Variants in URB1 observed in about 807,000 individuals in gnomAD.
URB1 encodes the protein URB1 ribosome biogenesis factor, also known as nucleolar pre-ribosomal-associated protein 1.
In URB1, 197 loss-of-function variants were observed where a neutral mutation model predicts 242.3. The observed-to-expected ratio is 0.81, with a 90% CI of 0.72 to 0.91. The LOEUF (loss-of-function observed/expected upper bound fraction) is 0.91, where lower values mean the gene tolerates loss of function less well. URB1 is among the 40% of genes least tolerant of loss of function. The pLI, the probability that URB1 is intolerant of heterozygous loss-of-function variation, is 0.00. For missense variants in URB1, 2,721 were observed against 2,860.5 expected (o/e 0.95, Z 1.11); for synonymous variants, 1,153 against 1,201.8 (o/e 0.96, Z 0.84).
Position 32,311,316 on chromosome 21 carries a change from T to C in URB1, c.*3602A>G. 1 of 237,142 alleles carries C rather than the reference T, an allele frequency of 4.2e-6. No individual in the cohort carries two copies. 14.7% of individuals were successfully genotyped at this position (237,142 alleles called of 1,614,324 possible). ...TTTGTGTCGTGACGCAGCCAAACCA[T>C]ATCACCAAGATACAAGTTGGCTTGG... On this transcript the variant is annotated 3_prime_UTR_variant, in exon 39 of 39. Coordinates refer to ENST00000382751, the MANE Select transcript of URB1 (RefSeq NM_014825.3).
chr21:32,321,445 G>A (rs1219145684), intron 34 of URB1, among the ~76,000 whole-genome samples: 3 of 152,080 alleles, frequency 2.0e-5, no homozygotes, highest in Admixed American at 1.3e-4. Context: ...CACTGACAGG[G>A]GGTTTCTAGA....
At chr21:32,316,022 C>T (rs967662204) in intron 38 of URB1, among the ~76,000 whole-genome samples, 1 of 152,258 alleles carries the variant, frequency 6.6e-6, no homozygotes, top group Non-Finnish European at 1.5e-5. Context: ...TGTTCATGTG[C>T]GCATTTATAC....
intron 11 of URB1, 97 bp from the exon 12 acceptor site, chr21:32,362,118 G>A: frequency 1.4e-6 from 2 of 1,456,886 alleles, no homozygotes; most frequent in Non-Finnish European, 1.8e-6. Flanking sequence ...ACAGGGAGGG[G>A]GGTGCGAGTC....
Position 32,313,705 on chromosome 21 carries a change from T to C in URB1, c.*1213A>G, listed in dbSNP as rs1183923037. The C allele has an allele frequency of 6.6e-6, 1 of 152,200 alleles. No individual in the cohort carries two copies. The highest frequency in any genetic ancestry group is 1.5e-5 in the Non-Finnish European group (1 of 68,050). 9.4% of individuals were successfully genotyped at this position (152,200 alleles called of 1,614,324 possible). A position where few individuals can be genotyped will look rare whatever the true frequency, so the allele number is the denominator to read the frequency against. On this transcript the variant is annotated 3_prime_UTR_variant, in exon 39 of 39. Coordinates refer to ENST00000382751, the MANE Select transcript of URB1 (RefSeq NM_014825.3). ...GGCATTGTCAGCACGATGTACATTATACGGCAGATAAAACAGCCACATCCT... is the reference window on the plus strand; with the variant it reads ...GGCATTGTCAGCACGATGTACATTACACGGCAGATAAAACAGCCACATCCT...
rs1335093645 is a variant in URB1, at chr21:32,347,318, A to C, written c.3506T>G (p.Leu1169Arg). The C allele has an allele frequency of 1.3e-6, 2 of 1,551,314 alleles. No homozygotes were observed. Among genetic ancestry groups the C allele is most frequent in the South Asian group, 1.2e-5 (1 of 84,066 alleles). Residue 1169 changes from leucine to arginine, a missense_variant, in exon 22 of 39, where the codon CTG becomes CGG. Transcript: ENST00000382751. ...QLLTCSPQDQ[L>R]QSGELLWSSE... is the part of the protein sequence containing the mutation. ...GGACCACAGGAGCTCACCACTCTGC[A>C]GCTGATCCTGGGGGCTGCAGGTCAG...
chr21:32,366,446 A>T (rs751464605), intron 10 of URB1, among the ~76,000 whole-genome samples, 172 bp downstream of exon 10: 1 of 152,170 alleles, frequency 6.6e-6, no homozygotes, highest in Non-Finnish European at 1.5e-5. Flanking sequence ...AGGTGCGTGG[A>T]CCTGTCACTT....
intron 20 of URB1, among the ~76,000 whole-genome samples, chr21:32,350,049 G>T (rs1383696291): frequency 1.3e-5 from 2 of 151,524 alleles, no homozygotes; most frequent in Non-Finnish European, 2.9e-5. Context: ...CTTGAACCCG[G>T]GAGGCAGAGG....
Position 32,373,638 on chromosome 21 carries a change from T to C in URB1, c.876+9A>G, listed in dbSNP as rs1207526709. 1.1e-5 allele frequency: 17 copies of C among 1,532,932 alleles called. No individual in the cohort carries two copies. The highest frequency in any genetic ancestry group is 2.8e-5 in the African/African-American group (2 of 71,806). The allele number at this position is 1,532,932 out of a possible 1,614,324, so 95.0% of individuals were successfully genotyped here. On this transcript the variant is annotated intron_variant, in intron 7 of 38. Transcript: ENST00000382751. ...AACGAGGTCAACGAAAACCAAAAAG[T>C]GTCTGCACCTTGACATTTTCTGGGT... is the stretch of plus-strand genomic sequence containing the variant.
chr21:32,381,589 G>C (rs954392980), intron 4 of URB1, among the ~76,000 whole-genome samples: 1 of 152,142 alleles, frequency 6.6e-6, no homozygotes, highest in Admixed American at 6.5e-5. Context: ...TTTGGATCCC[G>C]ATCTGAATCA....
chr21:32,318,117 A>G (rs2032715947), intron 36 of URB1, among the ~76,000 whole-genome samples, 200 bp from the exon 37 acceptor site: 2 of 152,186 alleles, frequency 1.3e-5, no homozygotes. Flanking sequence ...GGAAGGCACA[A>G]AGGGGACCTG....
chr21:32,384,611 G>A (rs2033561564), intron 2 of URB1, 147 bp from the exon 3 acceptor site: 10 of 1,053,448 alleles, frequency 9.5e-6, no homozygotes, highest in Non-Finnish European at 1.3e-5. Flanking sequence ...TGAGTCAAAC[G>A]CGACAGCTTG....
intron 22 of URB1, among the ~76,000 whole-genome samples, chr21:32,346,551 C>T (rs1023268042): frequency 3.9e-5 from 6 of 152,198 alleles, no homozygotes; most frequent in Non-Finnish European, 7.4e-5. Context: ...GAGAGCTGAA[C>T]CCAGGCTGCC....
chr21:32,392,952 G>A lies in URB1; in HGVS notation c.-42C>T. On this transcript the variant is annotated 5_prime_UTR_variant, in exon 1 of 39. Transcript: ENST00000382751. ...GCGCGACGGAAACGACACACCTGAG[G>A]GGACCCGGCAGGAGCACTGGCACAG... 6.8e-7 allele frequency: 1 copy of A among 1,460,982 alleles called. No individual in the cohort carries two copies. The highest frequency in any genetic ancestry group is 9.0e-7 in the Non-Finnish European group (1 of 1,106,152). 90.5% of individuals were successfully genotyped at this position (1,460,982 alleles called of 1,614,324 possible).
Position 32,385,689 on chromosome 21 carries a change from A to T in URB1, c.143-5T>A. 6.5e-7 allele frequency: 1 copy of T among 1,549,874 alleles called. No individual in the cohort carries two copies. Among genetic ancestry groups the T allele is most frequent in the Middle Eastern group, 1.7e-4 (1 of 5,976 alleles). On this transcript the variant is annotated splice_region_variant and splice_polypyrimidine_tract_variant and intron_variant, in intron 1 of 38. Coordinates refer to ENST00000382751, the MANE Select transcript of URB1 (RefSeq NM_014825.3). ...CAGACACAAACGCTTCCAAGCCTGA[A>T]AAAAAAGTTATGTTCAAACATTAAC...
In URB1 at chr21:32,312,310, T is replaced by C; in HGVS notation, c.*2608A>G. 1 of 1,301,960 alleles carries C rather than the reference T, an allele frequency of 7.7e-7. No individual in the cohort carries two copies. The highest frequency in any genetic ancestry group is 9.8e-7 in the Non-Finnish European group (1 of 1,015,970). 80.7% of individuals were successfully genotyped at this position (1,301,960 alleles called of 1,614,324 possible). A position where few individuals can be genotyped will look rare whatever the true frequency, so the allele number is the denominator to read the frequency against. On this transcript the variant is annotated 3_prime_UTR_variant, in exon 39 of 39. Transcript: ENST00000382751. ...GGAAAAGCTGTTTGCTTACTAATCT[T>C]TACTATGCCACTTTACCATTACTGT... is the stretch of plus-strand genomic sequence containing the variant.
chr21:32,344,210 T>C, intron 24 of URB1, among the ~76,000 whole-genome samples: 1 of 152,112 alleles, frequency 6.6e-6, no homozygotes, highest in Non-Finnish European at 1.5e-5. Context: ...AAATAACACA[T>C]CAAAATCAAG....
intron 10 of URB1, among the ~76,000 whole-genome samples, chr21:32,366,108 T>A (rs2033343256): frequency 6.6e-6 from 1 of 152,214 alleles, no homozygotes; most frequent in South Asian, 2.1e-4. Flanking sequence ...AAGTATCAAT[T>A]TCTTCCATGA....
chr21:32,352,792 C>A lies in URB1; in HGVS notation c.2531G>T (p.Cys844Phe). The A allele has an allele frequency of 5.8e-6, 9 of 1,551,726 alleles. No individual in the cohort carries two copies. The highest frequency in any genetic ancestry group is 7.8e-6 in the Non-Finnish European group (9 of 1,147,004). The change falls in exon 19 of 39, where the codon TGC (cysteine) becomes TTC (phenylalanine). Residue 844 changes from cysteine (C) to phenylalanine (F), a missense_variant. By Grantham distance (205) the Cys-to-Phe change is radical. Transcript: ENST00000382751. ...GAGCTGCTGGCAGCAAGGCACCAGG[C>A]ATGGAGGCTCAAGCTTATCATATGC... is the stretch of plus-strand genomic sequence containing the variant. ...LQAYDKLEPP[C>F]LVPCCQQLSR...
chr21:32,362,631 A>C (rs1412927751), intron 11 of URB1, among the ~76,000 whole-genome samples: 4 of 152,200 alleles, frequency 2.6e-5, no homozygotes, highest in African/African-American at 9.6e-5. Flanking sequence ...GGAACAAAGA[A>C]AGACTTTCTC....
Sources: gnomAD v4.1 joint callset for allele counts (sites outside exome capture counted in the v4.1 genomes callset) on GRCh38, gnomAD v4.1.1 for gene constraint, MANE v1.5 for transcripts, NCBI Gene and HGNC (gene_info 2026-07-23, HGNC 2026-07-21) for gene names.